The following SHROOM3 variants were observed in gnomAD, a reference collection of about 807,000 sequenced individuals.
SHROOM3 encodes protein Shroom3.
SHROOM3 carries 47 observed loss-of-function variants against 138.6 expected under a neutral mutation model. The ratio of observed to expected loss-of-function variants is 0.34; its 90% CI spans 0.27 to 0.43. The LOEUF is 0.43. Ranked by LOEUF, SHROOM3 falls within the 20% of genes least tolerant of loss-of-function variation. SHROOM3 has a pLI of 1.00. For missense variants in SHROOM3, 2,491 were observed against 2,596.5 expected, an observed-to-expected ratio of 0.96 and a Z score of 0.88; for synonymous variants, 1,062 against 1,063.3, an observed-to-expected ratio of 1.00 and a Z score of 0.02.
At chr4:76,681,592 A>AGGGGG (rs1392313596) in intron 2 of SHROOM3, among the ~76,000 whole-genome samples, 1 of 32,304 alleles carries the variant, frequency 3.1e-5, no homozygotes, top group African/African-American at 8.9e-5. Flanking sequence ...GGCAGAGTCT[A>AGGGGG]GGGTGTGTGT....
intron 1 of SHROOM3, among the ~76,000 whole-genome samples, chr4:76,542,077 A>G (rs570763845): frequency 6.6e-6 from 1 of 152,200 alleles, no homozygotes; most frequent in Non-Finnish European, 1.5e-5. Context: ...GATAAAGGCC[A>G]ACAGCATTTA....
intron 2 of SHROOM3, among the ~76,000 whole-genome samples, chr4:76,618,447 G>C (rs2110064906): frequency 6.6e-6 from 1 of 152,274 alleles, no homozygotes; most frequent in South Asian, 2.1e-4. Flanking sequence ...CAATAATACA[G>C]ATTGAGGACT....
chr4:76,582,811 C>T (rs113526988), intron 2 of SHROOM3, among the ~76,000 whole-genome samples: 341 of 152,296 alleles, frequency 2.2e-3, no homozygotes, highest in Non-Finnish European at 3.4e-3. Context: ...CAATAAGTAA[C>T]GTGTTCAAGG....
intron 1 of SHROOM3, among the ~76,000 whole-genome samples, chr4:76,484,818 A>G (rs1209220545): frequency 1.3e-5 from 2 of 152,160 alleles, no homozygotes; most frequent in Non-Finnish European, 1.5e-5. Flanking sequence ...GAAAATGGAT[A>G]AGGCCAGCCC....
intron 2 of SHROOM3, among the ~76,000 whole-genome samples, chr4:76,576,128 C>T (rs1003532030): frequency 3.3e-5 from 5 of 152,154 alleles, no homozygotes; most frequent in Non-Finnish European, 5.9e-5. Flanking sequence ...ACCATACGAT[C>T]CAGCAATCCC....
At chr4:76,646,225 A>AATATATATATATATATAT (rs371944513) in intron 2 of SHROOM3, among the ~76,000 whole-genome samples, 8 of 96,202 alleles carry the variant, frequency 8.3e-5, no homozygotes, top group East Asian at 4.4e-4. Flanking sequence ...ATAATAAATA[A>AATATATATATATATATAT]ATATATATAT....
At chr4:76,756,306 CAT>C (rs753091526) in intron 7 of SHROOM3, 141 bp from the exon 8 acceptor site, 70 of 981,428 alleles carry the variant, frequency 7.1e-5, no homozygotes, top group East Asian at 5.2e-4. Context: ...CTGTCAGTAA[CAT>C]GTGGAAGATG....
At chr4:76,684,733 C>T (rs1355232179) in intron 2 of SHROOM3, among the ~76,000 whole-genome samples, 1 of 152,216 alleles carries the variant, frequency 6.6e-6, no homozygotes, top group African/African-American at 2.4e-5. Context: ...CCAGTATCAA[C>T]TCAGAGGATC....
At chr4:76,747,510 G>C (rs1032201065) in intron 5 of SHROOM3, among the ~76,000 whole-genome samples, 1 of 152,080 alleles carries the variant, frequency 6.6e-6, no homozygotes, top group Non-Finnish European at 1.5e-5. Flanking sequence ...GTTTAAGCTC[G>C]ATATTCTAGG....
chr4:76,695,866 T>G (rs1323680360), intron 2 of SHROOM3, among the ~76,000 whole-genome samples: 1 of 152,166 alleles, frequency 6.6e-6, no homozygotes, highest in Non-Finnish European at 1.5e-5. Flanking sequence ...GCCACGTTGG[T>G]CTATTTCCAG....
intron 2 of SHROOM3, among the ~76,000 whole-genome samples, chr4:76,569,743 A>G (rs924462279): frequency 2.0e-5 from 3 of 150,540 alleles, no homozygotes; most frequent in Non-Finnish European, 2.9e-5. Context: ...GACAACTTGC[A>G]TCAAAACGGC....
chr4:76,535,470 G>A (rs555360256), intron 1 of SHROOM3, among the ~76,000 whole-genome samples: 2 of 152,238 alleles, frequency 1.3e-5, no homozygotes, highest in East Asian at 3.9e-4. Flanking sequence ...AGACTGATTA[G>A]CACCAGGGAA....
At chr4:76,735,855 AAAAAAAAAAAAAAATATATATATATAT>A (rs1360209787) in intron 4 of SHROOM3, among the ~76,000 whole-genome samples, 24 of 47,954 alleles carry the variant, frequency 5.0e-4, no homozygotes, top group African/African-American at 1.4e-3. Flanking sequence ...AAAAAAAAAA[AAAAAAAAAAAAAAATATATATATATAT>A]ATATATATAT....
intron 2 of SHROOM3, among the ~76,000 whole-genome samples, chr4:76,675,490 A>G (rs1276456429): frequency 6.6e-6 from 1 of 152,202 alleles, no homozygotes; most frequent in Non-Finnish European, 1.5e-5. Flanking sequence ...CACTGTAGGT[A>G]CCCAGAAGAG....
At chr4:76,586,078 G>A (rs1045381901) in intron 2 of SHROOM3, 2 of 196,072 alleles carry the variant, frequency 1.0e-5, no homozygotes, top group Non-Finnish European at 1.8e-5. Context: ...ATGCACGCCG[G>A]AGTCGGCGTG....
intron 2 of SHROOM3, among the ~76,000 whole-genome samples, chr4:76,697,790 C>T (rs985303158): frequency 1.3e-5 from 2 of 152,116 alleles, no homozygotes; most frequent in Non-Finnish European, 2.9e-5. Context: ...AAACTGAGGA[C>T]ATAGATTTTA....
chr4:76,468,216 AG>A (rs1284096751), intron 1 of SHROOM3, among the ~76,000 whole-genome samples: 1 of 152,264 alleles, frequency 6.6e-6, no homozygotes, highest in Non-Finnish European at 1.5e-5. Flanking sequence ...TTCTACATAT[AG>A]GGGACATTCC....
intron 2 of SHROOM3, among the ~76,000 whole-genome samples, chr4:76,623,416 G>A (rs912405085): frequency 6.6e-6 from 1 of 152,118 alleles, no homozygotes; most frequent in Non-Finnish European, 1.5e-5. Flanking sequence ...TGTCTGCCTG[G>A]TCACTTAACA....
chr4:76,579,821 T>C lies in SHROOM3; in HGVS notation c.323+24058T>C, dbSNP rs17002093. Among the ~76,000 whole-genome samples, 726 of 152,374 alleles carry C rather than the reference T, an allele frequency of 4.8e-3. 8 individuals are homozygous for C. Among genetic ancestry groups the C allele is most frequent in the African/African-American group, 0.017 (691 of 41,588 alleles). On this transcript the variant is annotated intron_variant, in intron 2 of 10. Coordinates refer to ENST00000296043, the MANE Select transcript of SHROOM3 (RefSeq NM_020859.4). The stretch of plus-strand genomic sequence containing the variant: ...CTCCAGCCAACTGACAAAGTTATCT[T>C]TTCCACTGAAGAACTGGTTGATGAT...
Sources: gnomAD v4.1 joint callset for allele counts (sites outside exome capture counted in the v4.1 genomes callset) on GRCh38, gnomAD v4.1.1 for gene constraint, MANE v1.5 for transcripts, NCBI Gene and HGNC (gene_info 2026-07-23, HGNC 2026-07-21) for gene names.